The following ACBD3 variants were observed in gnomAD, a reference collection of about 807,000 sequenced individuals.
ACBD3 encodes the protein acyl-CoA binding domain containing 3.
A neutral mutation model predicts 66.9 loss-of-function variants in ACBD3; 30 were observed. The ratio of observed to expected loss-of-function variants is 0.45; its 90% CI spans 0.34 to 0.61. ACBD3 has a LOEUF of 0.61. ACBD3 is among the 20% of genes least tolerant of loss of function. The pLI, the probability that ACBD3 is intolerant of heterozygous loss-of-function variation, is 0.02. For missense variants in ACBD3, 544 were observed against 664.5 expected, an observed-to-expected ratio of 0.82 and a Z score of 1.99; for synonymous variants, 278 against 259.8, an observed-to-expected ratio of 1.07 and a Z score of -0.68.
At chr1:226,170,303 G>A (rs1228344148) in intron 1 of ACBD3, among the ~76,000 whole-genome samples, 4 of 146,870 alleles carry the variant, frequency 2.7e-5, no homozygotes, top group African/African-American at 7.5e-5. Context: ...GACTGCAGGC[G>A]CCCGCCACCA....
chr1:226,177,902 C>A (rs1656082268), intron 1 of ACBD3, among the ~76,000 whole-genome samples: 1 of 152,066 alleles, frequency 6.6e-6, no homozygotes, highest in Non-Finnish European at 1.5e-5. Flanking sequence ...GCCACCAAGC[C>A]TGGCTAATTT....
At chr1:226,172,261 C>T (rs566615305) in intron 1 of ACBD3, among the ~76,000 whole-genome samples, 2 of 151,866 alleles carry the variant, frequency 1.3e-5, no homozygotes, top group African/African-American at 4.8e-5. Context: ...TTTTTGTTCA[C>T]AGGCCCTCAT....
At chr1:226,185,869 A>G (rs1200918175) in intron 1 of ACBD3, among the ~76,000 whole-genome samples, 2 of 152,150 alleles carry the variant, frequency 1.3e-5, no homozygotes, top group East Asian at 1.9e-4. Context: ...TGCCACATCA[A>G]TCTGCCGGGG....
At chr1:226,173,351 T>C (rs1655900732) in intron 1 of ACBD3, among the ~76,000 whole-genome samples, 1 of 152,234 alleles carries the variant, frequency 6.6e-6, no homozygotes, top group Non-Finnish European at 1.5e-5. Context: ...ATTTTATTTA[T>C]TCATTTTTTA....
intron 1 of ACBD3, among the ~76,000 whole-genome samples, chr1:226,173,166 G>C (rs1012592384): frequency 2.6e-5 from 4 of 151,904 alleles, no homozygotes; most frequent in Non-Finnish European, 4.4e-5. Context: ...CAGCTACTAG[G>C]GTGGCCAAGA....
chr1:226,157,654 C>T (rs1659701694), intron 5 of ACBD3, among the ~76,000 whole-genome samples: 1 of 152,230 alleles, frequency 6.6e-6, no homozygotes, highest in African/African-American at 2.4e-5. Context: ...ATCCTCTCGC[C>T]TCAGCCTCCC....
At chr1:226,175,943 T>G (rs904472539) in intron 1 of ACBD3, among the ~76,000 whole-genome samples, 2 of 152,210 alleles carry the variant, frequency 1.3e-5, no homozygotes, top group African/African-American at 4.8e-5. Context: ...CTCAAAGATG[T>G]TTAACTTCTG....
chr1:226,161,479 C>A, intron 4 of ACBD3, 52 bp downstream of exon 4: 1 of 1,601,656 alleles, frequency 6.2e-7, no homozygotes, highest in Non-Finnish European at 8.5e-7. Context: ...TATTTTTATT[C>A]TATTTTTTTT....
intron 7 of ACBD3, 116 bp downstream of exon 7, chr1:226,152,219 G>A (rs1294581739): frequency 7.3e-7 from 1 of 1,365,872 alleles, no homozygotes; most frequent in Admixed American, 2.1e-5. Context: ...TGAAGAAAGT[G>A]TTCCCTAACC....
intron 1 of ACBD3, among the ~76,000 whole-genome samples, chr1:226,179,629 G>A (rs537815183): frequency 4.4e-4 from 67 of 152,246 alleles, no homozygotes; most frequent in African/African-American, 1.5e-3. Context: ...AGGCCGGGTG[G>A]GCAGATCACC....
intron 4 of ACBD3, among the ~76,000 whole-genome samples, chr1:226,161,032 G>C (rs549373217): frequency 3.9e-5 from 6 of 152,200 alleles, no homozygotes; most frequent in African/African-American, 1.4e-4. Flanking sequence ...ATGAAGCAGA[G>C]ACATAAGCTG....
At chr1:226,175,249 G>A (rs921680842) in intron 1 of ACBD3, among the ~76,000 whole-genome samples, 1 of 152,112 alleles carries the variant, frequency 6.6e-6, no homozygotes, top group Non-Finnish European at 1.5e-5. Context: ...GAAAGGCATG[G>A]TCTCATGCAC....
intron 1 of ACBD3, among the ~76,000 whole-genome samples, chr1:226,171,350 T>C (rs1659989092): frequency 6.6e-6 from 1 of 151,976 alleles, no homozygotes; most frequent in African/African-American, 2.4e-5. Flanking sequence ...GGTTTTACCA[T>C]GTTGGCCAGG....
intron 1 of ACBD3, among the ~76,000 whole-genome samples, chr1:226,176,747 T>G (rs985992366): frequency 2.6e-5 from 4 of 152,196 alleles, no homozygotes; most frequent in South Asian, 2.1e-4. Context: ...AAAATATACA[T>G]GAAGAAAAAA....
At chr1:226,183,745 G>A (rs548285298) in intron 1 of ACBD3, among the ~76,000 whole-genome samples, 18 of 152,168 alleles carry the variant, frequency 1.2e-4, no homozygotes, top group African/African-American at 3.9e-4. Context: ...GTACCTGGGC[G>A]TGGTGGCACA....
chr1:226,173,757 C>CTTTTTTTTTTTTTTTTTTTTT (rs145462202), intron 1 of ACBD3, among the ~76,000 whole-genome samples: 21 of 88,326 alleles, frequency 2.4e-4, no homozygotes, highest in African/African-American at 6.9e-4. Flanking sequence ...TTTTTCTTTT[C>CTTTTTTTTTTTTTTTTTTTTT]TTTTTTTTTT....
intron 5 of ACBD3, among the ~76,000 whole-genome samples, chr1:226,156,942 C>T (rs370314496): frequency 2.6e-5 from 4 of 152,082 alleles, no homozygotes; most frequent in African/African-American, 4.8e-5. Context: ...TGGGAACCCC[C>T]GACCATGAAT....
Position 226,186,180 on chromosome 1 carries a change from A to C in ACBD3, c.286+210T>G, listed in dbSNP as rs975278521. On this transcript the variant is annotated intron_variant, in intron 1 of 7. Coordinates refer to ENST00000366812, the MANE Select transcript of ACBD3 (RefSeq NM_022735.4). ...GGAGGCGGGACATGACTGCTAAACC[A>C]AGGTTGCAGGCCCGTCAGGGGTGTG... Among the ~76,000 whole-genome samples the C allele has an allele frequency of 1.8e-4, 27 of 152,312 alleles. 1 individual carries two copies. Among genetic ancestry groups the C allele is most frequent in the Admixed American group, 1.5e-3 (23 of 15,306 alleles).
At position 226,145,001 on chromosome 1, in the gene ACBD3, A is replaced by T. The variant is rs1659420442; in HGVS notation, c.*1609T>A. 1 of 152,542 alleles carries T rather than the reference A, an allele frequency of 6.6e-6. No individual in the cohort carries two copies. The highest frequency in any genetic ancestry group is 6.6e-5 in the Admixed American group (1 of 15,266). The allele number at this position is 152,542 out of a possible 1,614,324, so 9.4% of individuals were successfully genotyped here. On this transcript the variant is annotated 3_prime_UTR_variant, in exon 8 of 8. Transcript: ENST00000366812. ...ACAGTATTTTTCTCATAAAAAAAAA[A>T]TCCAGGAAGTGCCTAACTCCATGGT...
Sources: gnomAD v4.1 joint callset for allele counts (sites outside exome capture counted in the v4.1 genomes callset) on GRCh38, gnomAD v4.1.1 for gene constraint, MANE v1.5 for transcripts, NCBI Gene and HGNC (gene_info 2026-07-23, HGNC 2026-07-21) for gene names.